EPB41L3: variants seen among roughly 807,000 people sequenced by gnomAD.
EPB41L3 encodes the protein band 4.1-like protein 3.
EPB41L3 carries 57 observed loss-of-function variants against 127.1 expected under a neutral mutation model. That is an observed-to-expected ratio of 0.45 (90% CI 0.36 to 0.56). EPB41L3 has a LOEUF of 0.56. EPB41L3 is among the 20% of genes least tolerant of loss of function. The pLI is 0.00. For missense variants in EPB41L3, 1,273 were observed against 1,372.2 expected, an observed-to-expected ratio of 0.93 and a Z score of 1.14; for synonymous variants, 572 against 549.5, an observed-to-expected ratio of 1.04 and a Z score of -0.57.
Position 5,471,792 on chromosome 18 carries a change from G to A in EPB41L3, c.381+6449C>T, listed in dbSNP as rs548271041. 3.3e-5 allele frequency among the ~76,000 whole-genome samples: 5 copies of A among 152,262 alleles called. No individual in the cohort carries two copies. In the East Asian group the frequency reaches 9.7e-4, roughly 29 times the overall value. On this transcript the variant is annotated intron_variant, in intron 3 of 22. Coordinates refer to ENST00000341928, the MANE Select transcript of EPB41L3 (RefSeq NM_012307.5). ...AAAGGAGTTAGCTTTGCACGAAAAG[G>A]CAAACCTAGGGCTTCAGCATCACGA...
intron 5 of EPB41L3, among the ~76,000 whole-genome samples, chr18:5,442,432 T>C (rs1488816810): frequency 1.3e-5 from 2 of 152,208 alleles, no homozygotes; most frequent in Non-Finnish European, 2.9e-5. Flanking sequence ...AGAAGTATGG[T>C]TATACTTTTG....
chr18:5,399,321 T>A, intron 16 of EPB41L3: 1 of 399,080 alleles, frequency 2.5e-6, no homozygotes. Flanking sequence ...AGTCACAATC[T>A]TTTTCAAATC....
chr18:5,433,933 T>C lies in EPB41L3; in HGVS notation c.794A>G (p.Asp265Gly), dbSNP rs1317968511. The C allele has an allele frequency of 3.1e-6, 5 of 1,614,116 alleles. No individual in the cohort carries two copies. The highest frequency in any genetic ancestry group is 4.2e-6 in the Non-Finnish European group (5 of 1,180,058). Residue 265 changes from aspartate (D) to glycine (G), a missense_variant, in exon 7 of 23, where the codon GAC becomes GGC. By Grantham distance (94) the Asp-to-Gly change is moderately conservative. Around this residue, in one of 3 missense-constraint regions of EPB41L3, gnomAD observed 326 missense variants for 440.2 expected, o/e 0.74. Coordinates refer to ENST00000341928, the MANE Select transcript of EPB41L3 (RefSeq NM_012307.5). ...GCTCTTGTGCAGCTCGATCACTTTG[T>C]CTTCCAGTTCTTTAGTGTGGTTTGG... The part of the protein sequence containing the change: ...FAPNHTKELE[D>G]KVIELHKSHR...
chr18:5,410,851 T>C (rs1196338361), intron 13 of EPB41L3, among the ~76,000 whole-genome samples: 6 of 152,324 alleles, frequency 3.9e-5, no homozygotes, highest in Middle Eastern at 6.8e-3. Flanking sequence ...ACACTCAGCC[T>C]GCAGGAGCTG....
intron 3 of EPB41L3, chr18:5,463,961 G>A (rs1474177408): frequency 6.6e-6 from 1 of 152,146 alleles, no homozygotes; most frequent in Admixed American, 6.6e-5. Context: ...ATCCAACCTT[G>A]TGAGCACACT....
chr18:5,487,822 T>C (rs2090025812), intron 2 of EPB41L3, among the ~76,000 whole-genome samples: 1 of 151,788 alleles, frequency 6.6e-6, no homozygotes, highest in Admixed American at 6.6e-5. Context: ...GCAAATACTC[T>C]AGGTAAAGAA....
At position 5,406,808 on chromosome 18, in the gene EPB41L3, G is replaced by A; in HGVS notation, c.2318C>T (p.Ala773Val). Residue 773 changes from alanine to valine, a missense_variant, in exon 16 of 23, where the codon GCC (alanine) becomes GTC (valine). Ala to Val is a moderately conservative substitution (Grantham distance 64, BLOSUM62 0). Around this residue, in one of 3 missense-constraint regions of EPB41L3, gnomAD observed 765 missense variants for 782.9 expected, o/e 0.98. Transcript: ENST00000341928. Reference protein sequence around the residue: ...PVRLAARQEDAPMIEPLVPEE... With the variant: ...PVRLAARQEDVPMIEPLVPEE... ...AGGGACAAGTGGTTCGATCATGGGG[G>A]CATCCTCCTGCCTGGCGGCCAGTCG... 11 of 1,614,138 alleles carry A rather than the reference G, an allele frequency of 6.8e-6. No individual in the cohort carries two copies. Among genetic ancestry groups the A allele is most frequent in the Non-Finnish European group, 9.3e-6 (11 of 1,179,998 alleles).
chr18:5,438,176 G>C (rs2080148406), intron 5 of EPB41L3, 66 bp from the exon 6 acceptor site: 2 of 1,478,968 alleles, frequency 1.4e-6, no homozygotes, highest in Non-Finnish European at 1.9e-6. Context: ...TCGATGGCCA[G>C]AACTGCCTTA....
At chr18:5,395,808 T>G in intron 19 of EPB41L3, 101 bp from the exon 20 acceptor site, 3 of 824,094 alleles carry the variant, frequency 3.6e-6, no homozygotes, top group Non-Finnish European at 4.0e-6. Flanking sequence ...CACTATCTCC[T>G]ATTATGCAAT....
intron 1 of EPB41L3, among the ~76,000 whole-genome samples, chr18:5,515,593 C>T (rs2092717535): frequency 6.6e-6 from 1 of 152,104 alleles, no homozygotes; most frequent in South Asian, 2.1e-4. Context: ...CCAGGATTAA[C>T]TGAAATAGCA....
intron 2 of EPB41L3, among the ~76,000 whole-genome samples, chr18:5,486,366 C>T (rs2089748633): frequency 6.6e-6 from 1 of 152,070 alleles, no homozygotes; most frequent in Non-Finnish European, 1.5e-5. Flanking sequence ...AATGTAAGAC[C>T]TGTAACTATG....
At chr18:5,501,194 G>A (rs969456590) in intron 1 of EPB41L3, among the ~76,000 whole-genome samples, 1 of 151,998 alleles carries the variant, frequency 6.6e-6, no homozygotes, top group African/African-American at 2.4e-5. Flanking sequence ...AAAATTCCAG[G>A]TATTCTATTA....
At chr18:5,472,963 T>TG (rs2086436548) in intron 3 of EPB41L3, among the ~76,000 whole-genome samples, 1 of 152,154 alleles carries the variant, frequency 6.6e-6, no homozygotes, top group African/African-American at 2.4e-5. Flanking sequence ...CAATGCTTGT[T>TG]GGAGTCAAGA....
intron 2 of EPB41L3, among the ~76,000 whole-genome samples, chr18:5,483,159 T>C (rs1017064121): frequency 6.6e-6 from 1 of 152,082 alleles, no homozygotes; most frequent in Non-Finnish European, 1.5e-5. Context: ...GGGATGGAGT[T>C]AAAGTATAGA....
chr18:5,513,719 A>C (rs573358393), intron 1 of EPB41L3, among the ~76,000 whole-genome samples: 1 of 152,286 alleles, frequency 6.6e-6, no homozygotes, highest in African/African-American at 2.4e-5. Flanking sequence ...TTCCTTTCTC[A>C]CCAGCTTATG....
intron 12 of EPB41L3, 106 bp downstream of exon 12, chr18:5,419,605 T>G: frequency 6.8e-7 from 1 of 1,468,144 alleles, no homozygotes; most frequent in Non-Finnish European, 9.3e-7. Context: ...AGTGCTGACA[T>G]ATGATTTATC....
intron 2 of EPB41L3, among the ~76,000 whole-genome samples, chr18:5,487,743 G>A (rs2090004168): frequency 6.7e-6 from 1 of 150,160 alleles, no homozygotes; most frequent in Non-Finnish European, 1.5e-5. Context: ...GGGATTACAG[G>A]CATGAGCCAC....
At position 5,445,209 on chromosome 18, in the gene EPB41L3, C is replaced by T; in HGVS notation, c.417G>A (p.Val139=). ...RSRGQVLFDK[V]CEHLNLLEKD... ...TCTCTAGCAAGTTCAAGTGTTCACA[C>T]ACTTTATCAAACAGCACTTGTCCTC... is the stretch of plus-strand genomic sequence containing the variant. Residue 139 remains valine, a synonymous_variant, in exon 4 of 23, where the codon GTG becomes GTA. Transcript: ENST00000341928. 1 of 1,614,064 alleles carries T rather than the reference C, an allele frequency of 6.2e-7. No homozygotes were observed.
Position 5,450,502 on chromosome 18 carries a change from G to C in EPB41L3, c.382-5258C>G, listed in dbSNP as rs142090032. 5.1e-3 allele frequency among the ~76,000 whole-genome samples: 774 copies of C among 152,046 alleles called. 2 individuals are homozygous for C. Among genetic ancestry groups the C allele is most frequent in the Non-Finnish European group, 7.7e-3 (525 of 67,966 alleles). On this transcript the variant is annotated intron_variant, in intron 3 of 22. Transcript: ENST00000341928. ...GGGGAAGAGTGTGAGGGGGTATATA[G>C]GAACTCTGTGCTTTCTGCTCAAGTT...
Sources: gnomAD v4.1 joint callset for allele counts (sites outside exome capture counted in the v4.1 genomes callset) on GRCh38, gnomAD v4.1.1 for gene constraint, gnomAD v4.1.1 regional missense constraint, MANE v1.5 for transcripts, NCBI Gene and HGNC (gene_info 2026-07-23, HGNC 2026-07-21) for gene names.